MYH14: variants seen among roughly 807,000 people sequenced by gnomAD.
MYH14 encodes myosin heavy chain 14.
In MYH14, 123 loss-of-function variants were observed where a neutral mutation model predicts 255.5. That is an observed-to-expected ratio of 0.48 (90% CI 0.42 to 0.56). MYH14 has a LOEUF of 0.56. Among genes scored for constraint, MYH14 ranks in the 20% least tolerant of loss-of-function variants. The probability of loss-of-function intolerance (pLI) is 0.00; values close to 1 mark genes in which losing one functional copy is unlikely to be tolerated. For missense variants in MYH14, 2,423 were observed against 2,802.3 expected, an observed-to-expected ratio of 0.86 and a Z score of 3.06; for synonymous variants, 1,095 against 1,161.2, an observed-to-expected ratio of 0.94 and a Z score of 1.16.
At position 50,271,563 on chromosome 19, in the gene MYH14, C is replaced by A; in HGVS notation, c.3171+17C>A. The A allele has an allele frequency of 6.2e-7, 1 of 1,600,226 alleles. No individual in the cohort carries two copies. Among genetic ancestry groups the A allele is most frequent in the Admixed American group, 1.7e-5 (1 of 57,634 alleles). ...CTGAGCAAGGTTGGGGGCCTGAGGG[C>A]AGCTGGGAAAGTGGGGATGGGGTGC... On this transcript the variant is annotated intron_variant, in intron 25 of 42. Transcript: ENST00000642316.
Position 50,280,958 on chromosome 19 carries a change from C to A in MYH14, c.4290+575C>A, listed in dbSNP as rs1183845206. 1.3e-5 allele frequency among the ~76,000 whole-genome samples: 2 copies of A among 152,164 alleles called. No individual in the cohort carries two copies. The highest frequency in any genetic ancestry group is 2.9e-5 in the Non-Finnish European group (2 of 68,034). ...AAGTTTCCTGACCCGTCTTCTCTTT[C>A]TCCTCTGTCCCAACTCCAGTCACCT... is the stretch of plus-strand genomic sequence containing the variant. On this transcript the variant is annotated intron_variant, in intron 32 of 42. Transcript: ENST00000642316. This position sits in a 1 kb window ranked among gnomAD's most constrained non-coding sequence, Gnocchi z 4.8.
intron 40 of MYH14, among the ~76,000 whole-genome samples, chr19:50,303,371 A>G (rs767596535): frequency 6.6e-5 from 10 of 152,154 alleles, no homozygotes; most frequent in Non-Finnish European, 1.5e-4. Flanking sequence ...ATCCTCCAGG[A>G]GGCTAGCCCA....
At chr19:50,279,939 A>G in intron 30 of MYH14, 98 bp from the exon 31 acceptor site, 1 of 901,092 alleles carries the variant, frequency 1.1e-6, no homozygotes. Flanking sequence ...CAGCTGTAAC[A>G]TTTCACATTC....
In MYH14 at chr19:50,281,770, C is replaced by A; in HGVS notation, c.4467C>A (p.Asp1489Glu). 1 of 1,612,586 alleles carries A rather than the reference C, an allele frequency of 6.2e-7. No homozygotes were observed. The highest frequency in any genetic ancestry group is 1.3e-5 in the African/African-American group (1 of 75,066). ...GCCGGCTGCAGCAGGAGCTGGACGA[C>A]GCCACCATGGACCTGGAGCAGCAGC... is the stretch of plus-strand genomic sequence containing the variant. Reference protein sequence around the residue: ...GRRRLQQELDDATMDLEQQRQ... With the variant: ...GRRRLQQELDEATMDLEQQRQ... The change falls in exon 33 of 43, where the codon GAC (aspartate) becomes GAA (glutamate). Residue 1489 changes from aspartate (D) to glutamate (E), a missense_variant. By Grantham distance (45) the Asp-to-Glu change is conservative (BLOSUM62 2). This residue lies in a region of MYH14 where 1,513 missense variants were observed against 1,674.8 expected (regional missense o/e 0.90). Transcript: ENST00000642316.
intron 39 of MYH14, among the ~76,000 whole-genome samples, chr19:50,296,108 C>CAA (rs79336591): frequency 9.3e-4 from 111 of 119,648 alleles, no homozygotes; most frequent in African/African-American, 3.1e-3. Flanking sequence ...GACTTTGTCT[C>CAA]AAAAAAAAAA....
In MYH14 at chr19:50,261,459, C is replaced by T. The variant is rs756136922; in HGVS notation, c.2425-16C>T. On this transcript the variant is annotated splice_polypyrimidine_tract_variant and intron_variant, in intron 20 of 42. Coordinates refer to ENST00000642316, the MANE Select transcript of MYH14 (RefSeq NM_001145809.2). ...TCACCCCCTCTCCGTCATCACCCCT[C>T]TCCCACCCCTCACAGATCCAGGCGC... The T allele has an allele frequency of 7.1e-7, 1 of 1,401,246 alleles. No individual in the cohort carries two copies. The highest frequency in any genetic ancestry group is 9.2e-7 in the Non-Finnish European group (1 of 1,084,582). The allele number at this position is 1,401,246 out of a possible 1,614,324, so 86.8% of individuals were successfully genotyped here.
intron 20 of MYH14, 25 bp downstream of exon 20, chr19:50,260,740 C>CGTGT (rs754997833): frequency 6.8e-7 from 1 of 1,468,090 alleles, no homozygotes; most frequent in Non-Finnish European, 9.2e-7. Context: ...GCCTGGAATG[C>CGTGT]GTGTGTGCGT....
At position 50,230,870 on chromosome 19, in the gene MYH14, C is replaced by A; in HGVS notation, c.973+247C>A. On this transcript the variant is annotated intron_variant, in intron 9 of 42. Transcript: ENST00000642316. This position sits in a 1 kb window ranked among gnomAD's most constrained non-coding sequence, Gnocchi z 4.7. ...GCGCCCGCTGTCACGGCCACGCAGC[C>A]CCCGCCGCCTGGTGGCTCCTGCTCA... The A allele has an allele frequency of 4.0e-6, 2 of 497,778 alleles. No homozygotes were observed. The highest frequency in any genetic ancestry group is 2.7e-5 in the South Asian group (1 of 36,720). 30.8% of individuals were successfully genotyped at this position (497,778 alleles called of 1,614,324 possible).
At chr19:50,256,659 CCACCG>C (rs1268739623) in intron 17 of MYH14, among the ~76,000 whole-genome samples, 1 of 152,234 alleles carries the variant, frequency 6.6e-6, no homozygotes, top group African/African-American at 2.4e-5. Flanking sequence ...CAGGCATGAG[CCACCG>C]CACCCTGCCA....
intron 34 of MYH14, among the ~76,000 whole-genome samples, chr19:50,287,495 C>T (rs1333433229): frequency 6.6e-6 from 1 of 152,176 alleles, no homozygotes; most frequent in Non-Finnish European, 1.5e-5. Flanking sequence ...ACATTGCAAC[C>T]TCAGTCTCCT....
rs2034184183 is a variant in MYH14, at chr19:50,247,666, C to CT, written c.1329+545dup. The stretch of plus-strand genomic sequence containing the variant: ...CAGGAAAGTCCTCTCTAAGGAAGCT[C>CT]TAAGGATGAAACATTCGAGATGAGA... On this transcript the variant is annotated intron_variant, in intron 12 of 42. Coordinates refer to ENST00000642316, the MANE Select transcript of MYH14 (RefSeq NM_001145809.2). 2.0e-5 allele frequency among the ~76,000 whole-genome samples: 3 copies of CT among 152,158 alleles called. No homozygotes were observed. The South Asian group carries it at 6.2e-4, about 32-fold the overall frequency.
At chr19:50,286,456 CT>C in intron 33 of MYH14, 25 bp from the exon 34 acceptor site, 2 of 1,599,408 alleles carry the variant, frequency 1.3e-6, no homozygotes, top group Non-Finnish European at 1.7e-6. Flanking sequence ...CTATTTCCCC[CT>C]ACCCCATCTC....
intron 1 of MYH14, among the ~76,000 whole-genome samples, chr19:50,207,488 C>A (rs1176726883): frequency 6.6e-6 from 1 of 152,090 alleles, no homozygotes; most frequent in Non-Finnish European, 1.5e-5. Context: ...TCCGAGATAG[C>A]TGGAGCTGGA....
chr19:50,273,713 C>G (rs2035403845), intron 27 of MYH14, among the ~76,000 whole-genome samples: 1 of 151,958 alleles, frequency 6.6e-6, no homozygotes, highest in South Asian at 2.1e-4. Flanking sequence ...GTGATTTCGG[C>G]TCACTGCAAC....
chr19:50,268,951 T>C (rs533208174), intron 24 of MYH14, among the ~76,000 whole-genome samples: 33 of 152,344 alleles, frequency 2.2e-4, no homozygotes, highest in Admixed American at 6.5e-4. Context: ...ACATCTCAAT[T>C]CAGATGCTAA....
At chr19:50,211,431 A>G (rs1038920838) in intron 2 of MYH14, among the ~76,000 whole-genome samples, 7 of 152,218 alleles carry the variant, frequency 4.6e-5, no homozygotes, top group Non-Finnish European at 7.3e-5. Flanking sequence ...AGAGTCTATT[A>G]TTATTACCAT....
Position 50,210,369 on chromosome 19 carries a change from G to A in MYH14, c.4G>A (p.Ala2Thr). The A allele has an allele frequency of 6.3e-7, 1 of 1,587,296 alleles. No homozygotes were observed. Among genetic ancestry groups the A allele is most frequent in the Non-Finnish European group, 8.6e-7 (1 of 1,168,372 alleles). Reference protein sequence around the residue: MAAVTMSVPGRK... With the variant: MTAVTMSVPGRK... ...TCTTTCTTTGCCCCTGCAGACCATG[G>A]CAGCCGTGACCATGTCGGTGCCCGG... The change falls in exon 2 of 43, where the codon GCA (alanine) becomes ACA (threonine). Residue 2 changes from alanine (A) to threonine (T), a missense_variant. Coordinates refer to ENST00000642316, the MANE Select transcript of MYH14 (RefSeq NM_001145809.2).
intron 1 of MYH14, among the ~76,000 whole-genome samples, chr19:50,208,338 C>A (rs187364988): frequency 0.014 from 2,173 of 152,190 alleles, 51 homozygotes; most frequent in African/African-American, 0.046. Context: ...TCTCTTGAAA[C>A]CGGGAGGCAG....
chr19:50,273,798 A>G (rs1033921065), intron 27 of MYH14, among the ~76,000 whole-genome samples: 2 of 151,792 alleles, frequency 1.3e-5, no homozygotes, highest in African/African-American at 4.8e-5. Context: ...CCCGCCAACA[A>G]GCTAATTTTC....
Sources: gnomAD v4.1 joint callset for allele counts (sites outside exome capture counted in the v4.1 genomes callset) on GRCh38, gnomAD v4.1.1 for gene constraint, gnomAD v4.1.1 regional missense constraint, Gnocchi (gnomAD v3.1) non-coding constraint, MANE v1.5 for transcripts, NCBI Gene and HGNC (gene_info 2026-07-23, HGNC 2026-07-21) for gene names.